Variants in OPRD1 observed in about 807,000 individuals in gnomAD.
The protein encoded by OPRD1 is opioid receptor delta 1.
In OPRD1, 19 loss-of-function variants were observed where a neutral mutation model predicts 17.5. That is an observed-to-expected ratio of 1.09 (90% confidence interval 0.76 to 1.60). The LOEUF (loss-of-function observed/expected upper bound fraction) is 1.60. OPRD1 is among the 40% of genes most tolerant of loss of function. The probability of loss-of-function intolerance (pLI) is 0.00; values close to 1 mark genes in which losing one functional copy is unlikely to be tolerated. For missense variants in OPRD1, 483 were observed against 547.2 expected (o/e 0.88, Z 1.17); for synonymous variants, 256 against 240.9 (o/e 1.06, Z -0.58).
At position 28,812,576 on chromosome 1, in the gene OPRD1, C is replaced by T. The variant is rs750267952; in HGVS notation, c.193C>T (p.Leu65=). ...LYSAVCAVGL[L]GNVLVMFGIV... is the part of the protein sequence containing the mutation. The stretch of plus-strand genomic sequence containing the variant: ...CTCGGCCGTGTGCGCCGTGGGGCTG[C>T]TGGGCAACGTGCTTGTCATGTTCGG... Residue 65 remains leucine (L), a synonymous_variant, in exon 1 of 3, where the codon CTG becomes TTG. Transcript: ENST00000234961. 7 of 1,570,562 alleles carry T rather than the reference C, an allele frequency of 4.5e-6. No individual in the cohort carries two copies. The highest frequency in any genetic ancestry group is 6.0e-6 in the Non-Finnish European group (7 of 1,165,280).
At chr1:28,814,403 C>T (rs2124254379) in intron 1 of OPRD1, among the ~76,000 whole-genome samples, 1 of 152,248 alleles carries the variant, frequency 6.6e-6, no homozygotes, top group East Asian at 1.9e-4. Context: ...GTCTGTATAG[C>T]GAGGCGGAGG....
Position 28,863,604 on chromosome 1 carries a change from A to C in OPRD1, c.*321A>C. On this transcript the variant is annotated 3_prime_UTR_variant, in exon 3 of 3. Coordinates refer to ENST00000234961, the MANE Select transcript of OPRD1 (RefSeq NM_000911.4). ...CTGTGGCTCTACAACTGAGTCCTTA[A>C]ACAGGGCATCTCCAGGAAGGCGGGG... 2 of 312,990 alleles carry C rather than the reference A, an allele frequency of 6.4e-6. No homozygotes were observed. The highest frequency in any genetic ancestry group is 5.8e-6 in the Non-Finnish European group (1 of 171,644). The allele number at this position is 312,990 out of a possible 1,614,324, so 19.4% of individuals were successfully genotyped here. A position where few individuals can be genotyped will look rare whatever the true frequency, so the allele number is the denominator to read the frequency against.
intron 1 of OPRD1, among the ~76,000 whole-genome samples, chr1:28,846,859 TTTCTTTC>T (rs2088953878): frequency 3.7e-5 from 2 of 54,310 alleles, no homozygotes; most frequent in African/African-American, 1.1e-4. Context: ...TCTTTCTTTC[TTTCTTTC>T]TTTCTTTCTT....
At chr1:28,819,640 G>A (rs1003920565) in intron 1 of OPRD1, among the ~76,000 whole-genome samples, 12 of 152,320 alleles carry the variant, frequency 7.9e-5, no homozygotes, top group African/African-American at 2.9e-4. Context: ...GGGACAAGAA[G>A]GCTCAGAGGG....
rs1031180310 is a variant in OPRD1 at position 28,864,916 on chromosome 1, C to T, written c.*1633C>T. On this transcript the variant is annotated 3_prime_UTR_variant, in exon 3 of 3. Coordinates refer to ENST00000234961, the MANE Select transcript of OPRD1 (RefSeq NM_000911.4). ...TGAACTGGAACTGCCCATATGGGGA[C>T]CTGACCTTGAAGGAACTGGGGGGAG... 2 of 152,168 alleles carry T rather than the reference C, an allele frequency of 1.3e-5. No homozygotes were observed. Among genetic ancestry groups the T allele is most frequent in the African/African-American group, 4.8e-5 (2 of 41,414 alleles). The allele number at this position is 152,168 out of a possible 1,614,324, so 9.4% of individuals were successfully genotyped here. A position where few individuals can be genotyped will look rare whatever the true frequency, so the allele number is the denominator to read the frequency against.
intron 1 of OPRD1, 111 bp from the exon 2 acceptor site, chr1:28,858,843 G>T: frequency 1.9e-6 from 2 of 1,061,040 alleles, no homozygotes; most frequent in Non-Finnish European, 2.8e-6. Flanking sequence ...ACCATGCCTA[G>T]CCTCCCCTGA....
At chr1:28,844,747 T>C (rs1490895076) in intron 1 of OPRD1, among the ~76,000 whole-genome samples, 1 of 152,122 alleles carries the variant, frequency 6.6e-6, no homozygotes, top group Non-Finnish European at 1.5e-5. Flanking sequence ...TCATTTGTTT[T>C]TGTTTTTTTG....
chr1:28,856,531 T>G (rs1338195978), intron 1 of OPRD1, among the ~76,000 whole-genome samples: 3 of 152,156 alleles, frequency 2.0e-5, no homozygotes, highest in Admixed American at 6.5e-5. Flanking sequence ...GTAACCCTCC[T>G]CTGGGTATCT....
intron 1 of OPRD1, among the ~76,000 whole-genome samples, chr1:28,842,947 C>T (rs979306132): frequency 6.7e-6 from 1 of 149,372 alleles, no homozygotes; most frequent in African/African-American, 2.5e-5. Context: ...TGGCACGCAC[C>T]TGTAGTCCTA....
At chr1:28,837,680 C>A (rs987249779) in intron 1 of OPRD1, among the ~76,000 whole-genome samples, 1 of 150,362 alleles carries the variant, frequency 6.7e-6, no homozygotes, top group Non-Finnish European at 1.5e-5. Context: ...CAAAAAAAAA[C>A]CCAAAAAATG....
Position 28,862,964 on chromosome 1 carries a change from T to C in OPRD1, c.800T>C (p.Val267Ala), listed in dbSNP as rs1368753821. Residue 267 changes from valine to alanine, a missense_variant, in exon 3 of 3, where the codon GTG (valine) becomes GCG (alanine). Transcript: ENST00000234961. ...RRITRMVLVV[V>A]GAFVVCWAPI... ...ATCACGCGCATGGTGCTGGTGGTTG[T>C]GGGCGCCTTCGTGGTGTGTTGGGCG... 2 of 1,612,202 alleles carry C rather than the reference T, an allele frequency of 1.2e-6. No individual in the cohort carries two copies. The highest frequency in any genetic ancestry group is 8.5e-7 in the Non-Finnish European group (1 of 1,179,452).
At chr1:28,858,607 G>A (rs923094672) in intron 1 of OPRD1, among the ~76,000 whole-genome samples, 4 of 147,330 alleles carry the variant, frequency 2.7e-5, no homozygotes, top group Admixed American at 6.9e-5. Flanking sequence ...GTGCAATGGC[G>A]CAATCTCGGC....
intron 1 of OPRD1, among the ~76,000 whole-genome samples, chr1:28,822,435 C>G (rs941181538): frequency 2.0e-5 from 3 of 151,984 alleles, no homozygotes; most frequent in African/African-American, 7.3e-5. Flanking sequence ...GCCCCTCTCA[C>G]CATGGCTGAG....
chr1:28,840,415 C>G (rs1392339362), intron 1 of OPRD1, among the ~76,000 whole-genome samples: 1 of 151,968 alleles, frequency 6.6e-6, no homozygotes, highest in Non-Finnish European at 1.5e-5. Context: ...CACTACCTGG[C>G]AAAAAGAGTA....
At position 28,869,391 on chromosome 1, in the gene OPRD1, C is replaced by T. The variant is rs2089199322; in HGVS notation, c.*6108C>T. Reference sequence around the variant, plus strand: ...GTAGGGCATGGCACTGCGAGGTTGCCCGGGTTCTAGTCCCAGCACCATCAC... The same window carrying T: ...GTAGGGCATGGCACTGCGAGGTTGCTCGGGTTCTAGTCCCAGCACCATCAC... On this transcript the variant is annotated 3_prime_UTR_variant, in exon 3 of 3. Coordinates refer to ENST00000234961, the MANE Select transcript of OPRD1 (RefSeq NM_000911.4). The T allele has an allele frequency of 6.6e-6, 1 of 152,092 alleles. No homozygotes were observed. The highest frequency in any genetic ancestry group is 2.4e-5 in the African/African-American group (1 of 41,374). 9.4% of individuals were successfully genotyped at this position (152,092 alleles called of 1,614,324 possible).
At chr1:28,856,313 G>A (rs1255504747) in intron 1 of OPRD1, among the ~76,000 whole-genome samples, 2 of 152,184 alleles carry the variant, frequency 1.3e-5, no homozygotes, top group Non-Finnish European at 2.9e-5. Context: ...GAATCACTTG[G>A]GGTGAGGAGG....
intron 1 of OPRD1, among the ~76,000 whole-genome samples, chr1:28,843,218 C>G (rs2088909187): frequency 6.6e-6 from 1 of 152,170 alleles, no homozygotes; most frequent in Non-Finnish European, 1.5e-5. Flanking sequence ...ACCCCACTCC[C>G]AAGCTTAGAA....
At position 28,863,602 on chromosome 1, in the gene OPRD1, TAAAC is replaced by T; in HGVS notation, c.*321_*324del. On this transcript the variant is annotated 3_prime_UTR_variant, in exon 3 of 3. Transcript: ENST00000234961. ...ACCTGTGGCTCTACAACTGAGTCCTTAAACAGGGCATCTCCAGGAAGGCGGGGCT... is the reference window on the plus strand; with the variant it reads ...ACCTGTGGCTCTACAACTGAGTCCTTAGGGCATCTCCAGGAAGGCGGGGCT... 3.1e-6 allele frequency: 1 copy of T among 320,368 alleles called. No homozygotes were observed. Among genetic ancestry groups the T allele is most frequent in the South Asian group, 1.4e-4 (1 of 7,060 alleles). 19.8% of individuals were successfully genotyped at this position (320,368 alleles called of 1,614,324 possible). A position where few individuals can be genotyped will look rare whatever the true frequency, so the allele number is the denominator to read the frequency against.
At chr1:28,848,676 C>T (rs1227193126) in intron 1 of OPRD1, among the ~76,000 whole-genome samples, 1 of 152,134 alleles carries the variant, frequency 6.6e-6, no homozygotes, top group Non-Finnish European at 1.5e-5. Context: ...TTCTTTTTCA[C>T]TGTGAGAGGT....
Sources: gnomAD v4.1 joint callset for allele counts (sites outside exome capture counted in the v4.1 genomes callset) on GRCh38, gnomAD v4.1.1 for gene constraint, MANE v1.5 for transcripts, NCBI Gene and HGNC (gene_info 2026-07-23, HGNC 2026-07-21) for gene names.